Variants in MAN2B2 observed in about 807,000 individuals in gnomAD.
The protein encoded by MAN2B2 is epididymis-specific alpha-mannosidase.
A neutral mutation model predicts 117.1 loss-of-function variants in MAN2B2; 106 were observed. The observed-to-expected ratio is 0.90, with a 90% CI of 0.77 to 1.06. MAN2B2 has a LOEUF of 1.06. Ranked by LOEUF, MAN2B2 falls within the 50% of genes least tolerant of loss-of-function variation. The pLI, the probability that MAN2B2 is intolerant of heterozygous loss-of-function variation, is 0.00. For missense variants in MAN2B2, 1,326 were observed against 1,381.4 expected (o/e 0.96, Z 0.64); for synonymous variants, 544 against 595.1 (o/e 0.91, Z 1.25).
intron 9 of MAN2B2, 79 bp downstream of exon 9, chr4:6,598,433 C>T: frequency 6.9e-7 from 1 of 1,458,932 alleles, no homozygotes; most frequent in Non-Finnish European, 9.3e-7. Flanking sequence ...GGCTCAACGA[C>T]CCCAGCTTCA....
At chr4:6,577,040 T>C (rs1726091627) in intron 2 of MAN2B2, among the ~76,000 whole-genome samples, 2 of 152,118 alleles carry the variant, frequency 1.3e-5, no homozygotes, top group African/African-American at 4.8e-5. Context: ...GCATCCCAGG[T>C]GTCCCCAAGC....
At position 6,593,084 on chromosome 4, in the gene MAN2B2, C is replaced by A; in HGVS notation, c.681-89C>A. Reference sequence around the variant, plus strand: ...CAGGGTGAAATGATGTGCCAAGGTCCCAAGGCTGGGAGAACATGGCACTTG... The same window carrying A: ...CAGGGTGAAATGATGTGCCAAGGTCACAAGGCTGGGAGAACATGGCACTTG... On this transcript the variant is annotated intron_variant, in intron 5 of 18. Transcript: ENST00000285599. 1.5e-6 allele frequency: 2 copies of A among 1,296,456 alleles called. 1 individual carries two copies. The highest frequency in any genetic ancestry group is 2.6e-5 in the South Asian group (2 of 77,668). The allele number at this position is 1,296,456 out of a possible 1,614,324, so 80.3% of individuals were successfully genotyped here.
intron 5 of MAN2B2, among the ~76,000 whole-genome samples, chr4:6,591,402 C>G (rs930035586): frequency 6.6e-6 from 1 of 152,252 alleles, no homozygotes; most frequent in Admixed American, 6.5e-5. Flanking sequence ...CTCGCCAAGG[C>G]CCCGTGGGAG....
At position 6,609,168 on chromosome 4, in the gene MAN2B2, G is replaced by A. The variant is rs1727663094; in HGVS notation, c.1876G>A (p.Val626Met). The change falls in exon 12 of 19, where the codon GTG (valine) becomes ATG (methionine). Residue 626 changes from valine to methionine, a missense_variant. Coordinates refer to ENST00000285599, the MANE Select transcript of MAN2B2 (RefSeq NM_015274.3). ...EFLEYHVNGD[V>M]KQGPISDNYL... The stretch of plus-strand genomic sequence containing the variant: ...CCTGGAGTACCACGTCAACGGGGAT[G>A]TGAAACAGGGCCCCATTTCCGATAA... 1.9e-6 allele frequency: 3 copies of A among 1,614,248 alleles called. No homozygotes were observed. Among genetic ancestry groups the A allele is most frequent in the Non-Finnish European group, 2.5e-6 (3 of 1,180,036 alleles).
chr4:6,621,571 A>C lies in MAN2B2; in HGVS notation c.*286A>C. The C allele has an allele frequency of 3.1e-6, 1 of 319,934 alleles. No homozygotes were observed. The highest frequency in any genetic ancestry group is 6.3e-5 in the East Asian group (1 of 15,978). The allele number at this position is 319,934 out of a possible 1,614,324, so 19.8% of individuals were successfully genotyped here. Reference sequence around the variant, plus strand: ...CACACTCATGCGTCATTCATTCACAAAACACAAACCCAGGACTTTCTGCCT... The same window carrying C: ...CACACTCATGCGTCATTCATTCACACAACACAAACCCAGGACTTTCTGCCT... On this transcript the variant is annotated 3_prime_UTR_variant, in exon 19 of 19. Coordinates refer to ENST00000285599, the MANE Select transcript of MAN2B2 (RefSeq NM_015274.3).
chr4:6,615,957 C>A (rs2108759398), intron 16 of MAN2B2, among the ~76,000 whole-genome samples: 1 of 152,272 alleles, frequency 6.6e-6, no homozygotes, highest in East Asian at 1.9e-4. Flanking sequence ...GTGCCCACCA[C>A]CATGCCCAGC....
At chr4:6,608,216 T>A (rs1437373150) in intron 11 of MAN2B2, among the ~76,000 whole-genome samples, 2 of 152,198 alleles carry the variant, frequency 1.3e-5, no homozygotes, top group African/African-American at 4.8e-5. Flanking sequence ...GGGGAGCTTT[T>A]TAAAAGGATC....
rs781153523 is a variant in MAN2B2 at position 6,609,106 on chromosome 4, GACA to G, written c.1815_1817del (p.Gln606del). On this transcript the variant is annotated inframe_deletion and splice_region_variant, in exon 12 of 19. Coordinates refer to ENST00000285599, the MANE Select transcript of MAN2B2 (RefSeq NM_015274.3). Reference sequence around the variant, plus strand: ...ACATCTTCTCTCTCCTGCCTCTGCAGACAGAGTAACCGAACGGTGCGCGTGACC... The same window carrying G: ...ACATCTTCTCTCTCCTGCCTCTGCAGGAGTAACCGAACGGTGCGCGTGACC... 1.2e-6 allele frequency: 2 copies of G among 1,612,476 alleles called. No homozygotes were observed. Among genetic ancestry groups the G allele is most frequent in the African/African-American group, 2.7e-5 (2 of 74,938 alleles).
intron 3 of MAN2B2, among the ~76,000 whole-genome samples, chr4:6,579,292 C>CCACCAT (rs1726295699): frequency 1.1e-5 from 1 of 93,846 alleles, no homozygotes; most frequent in Non-Finnish European, 2.4e-5. Context: ...ATCACCATCA[C>CCACCAT]CACCACCATC....
At chr4:6,611,780 C>T (rs779860733) in intron 15 of MAN2B2, among the ~76,000 whole-genome samples, 1 of 152,104 alleles carries the variant, frequency 6.6e-6, no homozygotes, top group Non-Finnish European at 1.5e-5. Flanking sequence ...GGTGGCAAAG[C>T]GAGACTCTGT....
rs558049850 is a variant in MAN2B2 at position 6,600,753 on chromosome 4, G to A, written c.1536G>A (p.Ser512=). The A allele has an allele frequency of 2.6e-5, 42 of 1,613,250 alleles. No individual in the cohort carries two copies. The South Asian group carries it at 3.3e-4, about 13-fold the overall frequency. Residue 512 remains serine, a synonymous_variant, in exon 10 of 19, where the codon TCG becomes TCA. Transcript: ENST00000285599. ...ATGAGGCGGGCCACCCAGTGCCCTC[G>A]CAGGTATGGACACAAAATCCTGCTG... ...VTDEAGHPVP[S]QIQNSTETPS...
intron 3 of MAN2B2, among the ~76,000 whole-genome samples, chr4:6,582,921 C>G (rs979593151): frequency 2.0e-5 from 3 of 151,802 alleles, no homozygotes; most frequent in East Asian, 1.9e-4. Flanking sequence ...GATACTGGTT[C>G]AGCAGCTTGA....
intron 10 of MAN2B2, 107 bp from the exon 11 acceptor site, chr4:6,604,948 G>A: frequency 7.5e-7 from 1 of 1,338,032 alleles, no homozygotes; most frequent in East Asian, 2.3e-5. Flanking sequence ...GAAATCGGCA[G>A]GATCCGAGAG....
At chr4:6,619,883 G>A (rs554964878) in intron 17 of MAN2B2, 44 bp from the exon 18 acceptor site, 2 of 1,566,814 alleles carry the variant, frequency 1.3e-6, no homozygotes, top group South Asian at 2.2e-5. Context: ...GCTCAGCTCT[G>A]GAACTTGGTG....
intron 9 of MAN2B2, 117 bp downstream of exon 9, chr4:6,598,471 C>G (rs553852515): frequency 5.3e-6 from 6 of 1,141,420 alleles, no homozygotes; most frequent in African/African-American, 3.1e-5. Context: ...ACCCATATCG[C>G]CCTTCCCCAT....
chr4:6,586,956 C>A, intron 3 of MAN2B2, 40 bp from the exon 4 acceptor site: 2 of 1,584,620 alleles, frequency 1.3e-6, no homozygotes, highest in South Asian at 2.3e-5. Flanking sequence ...AGGCACAGGC[C>A]CGCCCTCCAG....
At chr4:6,582,741 C>G (rs116166491) in intron 3 of MAN2B2, among the ~76,000 whole-genome samples, 4 of 152,008 alleles carry the variant, frequency 2.6e-5, no homozygotes, top group Admixed American at 2.6e-4. Flanking sequence ...GAACTCCTGA[C>G]CTCAACATCA....
At chr4:6,586,489 C>T (rs1243984317) in intron 3 of MAN2B2, among the ~76,000 whole-genome samples, 2 of 152,188 alleles carry the variant, frequency 1.3e-5, no homozygotes, top group Non-Finnish European at 2.9e-5. Context: ...CAAAAATCCT[C>T]ACCCCTGCAC....
intron 9 of MAN2B2, among the ~76,000 whole-genome samples, chr4:6,598,970 G>T (rs141932602): frequency 6.6e-6 from 1 of 152,264 alleles, no homozygotes; most frequent in Non-Finnish European, 1.5e-5. Context: ...GGACTGAGGG[G>T]TTTCCAAACT....
Sources: allele counts gnomAD v4.1 joint callset (sites outside exome capture counted in the v4.1 genomes callset), GRCh38; gene constraint gnomAD v4.1.1; transcripts MANE v1.5; gene names NCBI Gene and HGNC (gene_info 2026-07-23, HGNC 2026-07-21).